The following SLC22A23 variants were observed in gnomAD, a reference collection of about 807,000 sequenced individuals.
SLC22A23 encodes solute carrier family 22 member 23.
Under a neutral mutation model 61.0 loss-of-function variants are expected in SLC22A23, and 26 were observed. The observed-to-expected ratio is 0.43, with a 90% CI of 0.31 to 0.59. The LOEUF (loss-of-function observed/expected upper bound fraction) is 0.59, where lower values mean the gene tolerates loss of function less well. SLC22A23 is among the 20% of genes least tolerant of loss of function. The pLI, the probability that SLC22A23 is intolerant of heterozygous loss-of-function variation, is 0.11. For synonymous variants in SLC22A23, 430 were observed against 413.9 expected, an observed-to-expected ratio of 1.04 and a Z score of -0.47; for missense variants, 796 against 934.7, an observed-to-expected ratio of 0.85 and a Z score of 1.94.
chr6:3,434,132 G>A (rs1010245971), intron 1 of SLC22A23, among the ~76,000 whole-genome samples: 1 of 152,078 alleles, frequency 6.6e-6, no homozygotes, highest in Non-Finnish European at 1.5e-5. Flanking sequence ...TGACCAACAT[G>A]GTGAAACCCC....
At chr6:3,332,038 T>C (rs899503369) in intron 3 of SLC22A23, among the ~76,000 whole-genome samples, 37 of 152,318 alleles carry the variant, frequency 2.4e-4, no homozygotes, top group Admixed American at 5.2e-4. Context: ...TGAGTGACCA[T>C]GTTTGTAGAA....
intron 1 of SLC22A23, among the ~76,000 whole-genome samples, chr6:3,444,595 G>A (rs1254681633): frequency 6.6e-6 from 1 of 152,230 alleles, no homozygotes; most frequent in Non-Finnish European, 1.5e-5. Context: ...AGGAGGCAGT[G>A]AAGCGCCAGG....
At chr6:3,449,129 C>T (rs1295058853) in intron 1 of SLC22A23, among the ~76,000 whole-genome samples, 2 of 152,218 alleles carry the variant, frequency 1.3e-5, no homozygotes, top group East Asian at 3.9e-4. Flanking sequence ...GTTATATCCT[C>T]TGACCTTTCT....
intron 3 of SLC22A23, among the ~76,000 whole-genome samples, chr6:3,362,437 A>AAC: frequency 7.5e-6 from 1 of 133,668 alleles, no homozygotes; most frequent in Non-Finnish European, 1.5e-5. Context: ...AATAAAAAAT[A>AAC]AAAATTAGCA....
chr6:3,304,685 C>T lies in SLC22A23; in HGVS notation c.1083-6467G>A, dbSNP rs1236513812. The stretch of plus-strand genomic sequence containing the variant: ...TGGTCCAGGGGCTGGTCAGGGGAGG[C>T]TCTGGAGAGGCCGGGCTCTGCTTGG... On this transcript the variant is annotated intron_variant, in intron 4 of 9. Coordinates refer to ENST00000406686, the MANE Select transcript of SLC22A23 (RefSeq NM_015482.2). This position sits in a 1 kb window ranked among gnomAD's most constrained non-coding sequence, Gnocchi z 4.3. 6.6e-6 allele frequency among the ~76,000 whole-genome samples: 1 copy of T among 152,074 alleles called. No individual in the cohort carries two copies. Among genetic ancestry groups the T allele is most frequent in the Non-Finnish European group, 1.5e-5 (1 of 68,014 alleles).
In SLC22A23 at chr6:3,308,945, AAAAC is replaced by A. The variant is rs774154528; in HGVS notation, c.1083-10731_1083-10728del. Among the ~76,000 whole-genome samples, 169 of 152,136 alleles carry A rather than the reference AAAAC, an allele frequency of 1.1e-3. No individual in the cohort carries two copies. The highest frequency in any genetic ancestry group is 1.6e-3 in the Non-Finnish European group (112 of 68,012). On this transcript the variant is annotated intron_variant, in intron 4 of 9. Coordinates refer to ENST00000406686, the MANE Select transcript of SLC22A23 (RefSeq NM_015482.2). The surrounding 1 kb of genome is among the most constrained non-coding windows in gnomAD (Gnocchi z 5.1). Reference sequence around the variant, plus strand: ...GCGACAGAGCGAGACTCTGTCTCAAAAAACAAACAAACAAACCAACCAAAAAACC... The same window carrying A: ...GCGACAGAGCGAGACTCTGTCTCAAAAAACAAACAAACCAACCAAAAAACC...
rs184756637 is a variant in SLC22A23 at position 3,368,277 on chromosome 6, C to T, written c.913+41911G>A. Among the ~76,000 whole-genome samples the T allele has an allele frequency of 8.2e-3, 1,251 of 152,312 alleles. 14 individuals are homozygous for T. The highest frequency in any genetic ancestry group is 0.028 in the African/African-American group (1,169 of 41,552). Reference sequence around the variant, plus strand: ...GGCAAGGATGTAGGCCAGGCTTCCCCGCGAGGCCCTTGCACCCCATGCTCA... The same window carrying T: ...GGCAAGGATGTAGGCCAGGCTTCCCTGCGAGGCCCTTGCACCCCATGCTCA... On this transcript the variant is annotated intron_variant, in intron 3 of 9. Transcript: ENST00000406686.
intron 1 of SLC22A23, among the ~76,000 whole-genome samples, chr6:3,446,014 G>A (rs896530653): frequency 3.9e-5 from 6 of 152,186 alleles, no homozygotes; most frequent in African/African-American, 1.2e-4. Context: ...GGCTAGCCGG[G>A]ACTAAGAAGA....
intron 4 of SLC22A23, among the ~76,000 whole-genome samples, chr6:3,307,627 G>A (rs1762074637): frequency 6.6e-6 from 1 of 152,182 alleles, no homozygotes; most frequent in African/African-American, 2.4e-5. Context: ...TCTCGGATCA[G>A]CGAGAGCTGC....
At chr6:3,442,384 A>G (rs1771655813) in intron 1 of SLC22A23, among the ~76,000 whole-genome samples, 1 of 152,234 alleles carries the variant, frequency 6.6e-6, no homozygotes, top group Admixed American at 6.5e-5. Flanking sequence ...ACAGAACTGT[A>G]CACTGAAAAA....
intron 1 of SLC22A23, among the ~76,000 whole-genome samples, chr6:3,442,245 G>A (rs148532933): frequency 5.9e-5 from 9 of 152,276 alleles, no homozygotes; most frequent in Middle Eastern, 3.4e-3. Context: ...AGAAGGTAGC[G>A]TGGGGTTGCC....
rs1207813531 is a variant in SLC22A23, at chr6:3,286,160, G to T, written c.1546+699C>A. On this transcript the variant is annotated intron_variant, in intron 7 of 9. Transcript: ENST00000406686. The surrounding 1 kb of genome is among the most constrained non-coding windows in gnomAD (Gnocchi z 4.2). ...GTCACCCAGGCTGGAGTGCAGTGCT[G>T]CGATCTCAGCTTACTGCAACCTCTG... Among the ~76,000 whole-genome samples the T allele has an allele frequency of 2.0e-5, 3 of 150,820 alleles. No individual in the cohort carries two copies. Among genetic ancestry groups the T allele is most frequent in the African/African-American group, 7.3e-5 (3 of 40,864 alleles).
Position 3,273,263 on chromosome 6 carries a change from A to C in SLC22A23, c.1853T>G (p.Leu618Arg). Reference protein sequence around the residue: ...TLICIICILLLPESRDQNLPE... With the variant: ...TLICIICILLRPESRDQNLPE... ...CAGGTTCTGGTCCCTGCTCTCGGGC[A>C]GCAGGAGGATGCAGATGATGCAGAT... Residue 618 changes from leucine to arginine, a missense_variant, in exon 10 of 10, where the codon CTG becomes CGG. Coordinates refer to ENST00000406686, the MANE Select transcript of SLC22A23 (RefSeq NM_015482.2). 6.2e-7 allele frequency: 1 copy of C among 1,613,458 alleles called. No individual in the cohort carries two copies. The highest frequency in any genetic ancestry group is 8.5e-7 in the Non-Finnish European group (1 of 1,179,468).
intron 1 of SLC22A23, among the ~76,000 whole-genome samples, chr6:3,433,332 T>C (rs563714505): frequency 6.6e-6 from 1 of 152,080 alleles, no homozygotes; most frequent in Non-Finnish European, 1.5e-5. Flanking sequence ...TTATCAGCCC[T>C]AGGGAGTGAG....
At chr6:3,310,086 G>A (rs1439574161) in intron 4 of SLC22A23, among the ~76,000 whole-genome samples, 1 of 152,192 alleles carries the variant, frequency 6.6e-6, no homozygotes, top group East Asian at 1.9e-4. Flanking sequence ...TATTTATGTG[G>A]AACTTTTCCC....
At chr6:3,441,191 T>C (rs919557829) in intron 1 of SLC22A23, among the ~76,000 whole-genome samples, 6 of 152,224 alleles carry the variant, frequency 3.9e-5, no homozygotes, top group African/African-American at 1.2e-4. Context: ...CAAGAGGCAT[T>C]GAGTAACATG....
Position 3,410,343 on chromosome 6 carries a change from C to A in SLC22A23, c.759-1G>T. On this transcript the variant is annotated splice_acceptor_variant, in intron 2 of 9. Coordinates refer to ENST00000406686, the MANE Select transcript of SLC22A23 (RefSeq NM_015482.2). LOFTEE classifies it high-confidence loss of function. This position sits in a 1 kb window ranked among gnomAD's most constrained non-coding sequence, Gnocchi z 5.0. Reference sequence around the variant, plus strand: ...CAGCAGCACAGGCCGCCGGCCGACCCTGCATATGGAGAGGGAAAAAGTTAG... The same window carrying A: ...CAGCAGCACAGGCCGCCGGCCGACCATGCATATGGAGAGGGAAAAAGTTAG... 5 of 1,595,058 alleles carry A rather than the reference C, an allele frequency of 3.1e-6. No homozygotes were observed. Among genetic ancestry groups the A allele is most frequent in the Non-Finnish European group, 4.3e-6 (5 of 1,171,388 alleles).
chr6:3,306,974 C>T (rs62392934), intron 4 of SLC22A23, among the ~76,000 whole-genome samples: 11 of 152,298 alleles, frequency 7.2e-5, no homozygotes, highest in African/African-American at 1.4e-4. Context: ...ACCAAGCAGG[C>T]GTCAGCGTCT....
rs1379352708 is a variant in SLC22A23, at chr6:3,328,546, A to C, written c.914-4544T>G. Reference sequence around the variant, plus strand: ...CCCCGGTGCTGCCAGGAGAGAGCTGACTTTGAGCGAGGGGCTTCTAGATAA... The same window carrying C: ...CCCCGGTGCTGCCAGGAGAGAGCTGCCTTTGAGCGAGGGGCTTCTAGATAA... On this transcript the variant is annotated intron_variant, in intron 3 of 9. Coordinates refer to ENST00000406686, the MANE Select transcript of SLC22A23 (RefSeq NM_015482.2). The surrounding 1 kb of genome is among the most constrained non-coding windows in gnomAD (Gnocchi z 5.0). 6.6e-6 allele frequency among the ~76,000 whole-genome samples: 1 copy of C among 152,066 alleles called. No homozygotes were observed. The highest frequency in any genetic ancestry group is 1.5e-5 in the Non-Finnish European group (1 of 68,010).
Sources: allele counts gnomAD v4.1 joint callset (sites outside exome capture counted in the v4.1 genomes callset), GRCh38; gene constraint gnomAD v4.1.1; non-coding constraint Gnocchi (gnomAD v3.1); transcripts MANE v1.5; gene names NCBI Gene and HGNC (gene_info 2026-07-23, HGNC 2026-07-21).